The following PRRC1 variants were observed in gnomAD, a reference collection of about 807,000 sequenced individuals.
The protein encoded by PRRC1 is proline rich coiled-coil 1, also known as protein PRRC1.
A neutral mutation model predicts 40.7 loss-of-function variants in PRRC1; 39 were observed. The observed-to-expected ratio is 0.96, with a 90% CI of 0.74 to 1.25. The LOEUF is 1.25. Ranked by LOEUF, PRRC1 falls within the 50% of genes most tolerant of loss-of-function variation. The pLI, the probability that PRRC1 is intolerant of heterozygous loss-of-function variation, is 0.00. For missense variants in PRRC1, 573 were observed against 548.3 expected, an observed-to-expected ratio of 1.05 and a Z score of -0.45; for synonymous variants, 175 against 193.3, an observed-to-expected ratio of 0.91 and a Z score of 0.79.
intron 2 of PRRC1, 50 bp downstream of exon 2, chr5:127,523,632 C>T: frequency 9.0e-7 from 1 of 1,114,656 alleles, no homozygotes; most frequent in Non-Finnish European, 1.3e-6. Flanking sequence ...AGTGAAGATA[C>T]TATCATCTTT....
chr5:127,551,640 A>G (rs1768384987), intron 8 of PRRC1, 67 bp from the exon 9 acceptor site: 1 of 1,467,870 alleles, frequency 6.8e-7, no homozygotes, highest in African/African-American at 1.4e-5. Flanking sequence ...TTGAAATGTC[A>G]CTTATAGCTA....
chr5:127,522,405 T>C (rs1767482576), intron 1 of PRRC1, among the ~76,000 whole-genome samples: 1 of 152,192 alleles, frequency 6.6e-6, no homozygotes, highest in Admixed American at 6.5e-5. Flanking sequence ...TATTTTATTT[T>C]ATTGAGACAA....
At chr5:127,534,792 C>A (rs534649053) in intron 6 of PRRC1, among the ~76,000 whole-genome samples, 1 of 152,202 alleles carries the variant, frequency 6.6e-6, no homozygotes, top group South Asian at 2.1e-4. Flanking sequence ...TATAAGTTGC[C>A]TTTTTGACAA....
chr5:127,536,068 T>G (rs1330247974), intron 6 of PRRC1, among the ~76,000 whole-genome samples: 1 of 152,188 alleles, frequency 6.6e-6, no homozygotes, highest in Non-Finnish European at 1.5e-5. Context: ...TGAATTAAAT[T>G]ACATGTTTTC....
At chr5:127,525,017 A>G (rs1767581622) in intron 3 of PRRC1, 97 bp downstream of exon 3, 4 of 1,210,676 alleles carry the variant, frequency 3.3e-6, no homozygotes, top group Non-Finnish European at 4.5e-6. Flanking sequence ...TATGTACTCT[A>G]CAATTCACCC....
intron 1 of PRRC1, among the ~76,000 whole-genome samples, chr5:127,521,869 T>C (rs1349409074): frequency 6.6e-6 from 1 of 152,214 alleles, no homozygotes; most frequent in Non-Finnish European, 1.5e-5. Context: ...TTCTTATCCT[T>C]CAAATCTCGG....
rs766263227 is a variant in PRRC1 at position 127,524,738 on chromosome 5, ATCC to A, written c.316_318del (p.Pro106del). The stretch of plus-strand genomic sequence containing the variant: ...CCATCAACTGCTGCTGCCTTCGGTA[ATCC>A]TCCTGTATCTCACTTCCCACCTTCA... On this transcript the variant is annotated inframe_deletion, in exon 3 of 9. Coordinates refer to ENST00000296666, the MANE Select transcript of PRRC1 (RefSeq NM_130809.5). The A allele has an allele frequency of 6.2e-7, 1 of 1,614,034 alleles. No individual in the cohort carries two copies. The highest frequency in any genetic ancestry group is 1.1e-5 in the South Asian group (1 of 91,074).
intron 5 of PRRC1, among the ~76,000 whole-genome samples, chr5:127,530,609 C>A (rs1160745714): frequency 6.6e-6 from 1 of 152,100 alleles, no homozygotes. Flanking sequence ...GAAAATCCCA[C>A]AGAATGATCC....
intron 4 of PRRC1, 51 bp from the exon 5 acceptor site, chr5:127,530,243 T>C: frequency 6.7e-7 from 1 of 1,491,486 alleles, no homozygotes; most frequent in African/African-American, 1.4e-5. Flanking sequence ...ATGAAGATCA[T>C]GGTGTTCCTC....
intron 1 of PRRC1, among the ~76,000 whole-genome samples, chr5:127,520,631 G>A (rs78474213): frequency 8.3e-4 from 127 of 152,312 alleles, no homozygotes; most frequent in Middle Eastern, 3.4e-3. Flanking sequence ...AAACAGAGCA[G>A]TGTTTGCCAG....
At position 127,524,833 on chromosome 5, in the gene PRRC1, G is replaced by C. The variant is rs1767574240; in HGVS notation, c.406G>C (p.Gly136Arg). The change falls in exon 3 of 9, where the codon GGT (glycine) becomes CGT (arginine). Residue 136 changes from glycine to arginine, a missense_variant. Coordinates refer to ENST00000296666, the MANE Select transcript of PRRC1 (RefSeq NM_130809.5). ...SGPPISGFSV[G>R]STYDITRGHA... ...TCCTCCTATATCAGGATTTTCTGTTGGTTCAACTTATGACATTACAAGGGG... is the reference window on the plus strand; with the variant it reads ...TCCTCCTATATCAGGATTTTCTGTTCGTTCAACTTATGACATTACAAGGGG... 1 of 1,614,016 alleles carries C rather than the reference G, an allele frequency of 6.2e-7. No individual in the cohort carries two copies. Among genetic ancestry groups the C allele is most frequent in the Admixed American group, 1.7e-5 (1 of 59,998 alleles).
rs1767736830 is a variant in PRRC1, at chr5:127,530,396, A to G, written c.757A>G (p.Lys253Glu). 6.2e-6 allele frequency: 10 copies of G among 1,611,166 alleles called. No homozygotes were observed. Among genetic ancestry groups the G allele is most frequent in the Non-Finnish European group, 8.5e-6 (10 of 1,177,556 alleles). The change falls in exon 5 of 9, where the codon AAA becomes GAA. Residue 253 changes from lysine to glutamate, a missense_variant and splice_region_variant. Physicochemically the swap from Lys to Glu is moderately conservative, Grantham distance 56 (BLOSUM62 1). Transcript: ENST00000296666. The stretch of plus-strand genomic sequence containing the variant: ...GGACCCTGGCATGGCTCCCTATATC[A>G]GTATGTACATAAGTTAGACCGGTAT... ...TLDPGMAPYI[K>E]SGGELDIVVT... is the part of the protein sequence containing the mutation.
intron 7 of PRRC1, among the ~76,000 whole-genome samples, chr5:127,546,283 G>C (rs1429613179): frequency 1.3e-5 from 2 of 152,148 alleles, no homozygotes; most frequent in African/African-American, 2.4e-5. Flanking sequence ...TTGAATGCCT[G>C]TATCTTTAAA....
At chr5:127,542,260 C>G (rs1461115190) in intron 7 of PRRC1, among the ~76,000 whole-genome samples, 2 of 152,046 alleles carry the variant, frequency 1.3e-5, no homozygotes, top group African/African-American at 4.8e-5. Flanking sequence ...AATTTCTGTT[C>G]TTTTACATGT....
In PRRC1 at chr5:127,552,333, C is replaced by A; in HGVS notation, c.*417C>A. 1 of 1,023,886 alleles carries A rather than the reference C, an allele frequency of 9.8e-7. No individual in the cohort carries two copies. The highest frequency in any genetic ancestry group is 1.2e-6 in the Non-Finnish European group (1 of 852,234). The allele number at this position is 1,023,886 out of a possible 1,614,324, so 63.4% of individuals were successfully genotyped here. A position where few individuals can be genotyped will look rare whatever the true frequency, so the allele number is the denominator to read the frequency against. ...GATTTGCTTTGGCTTCATCTCTTTT[C>A]TGTCAGTCTTTGACTACTTTTGTAT... On this transcript the variant is annotated 3_prime_UTR_variant, in exon 9 of 9. Coordinates refer to ENST00000296666, the MANE Select transcript of PRRC1 (RefSeq NM_130809.5).
intron 8 of PRRC1, chr5:127,548,454 C>CTGT (rs1301701394): frequency 9.4e-6 from 1 of 106,526 alleles, no homozygotes; most frequent in Non-Finnish European, 1.8e-5. Flanking sequence ...ATCCTTATTC[C>CTGT]TCTTTTTTTT....
At chr5:127,525,286 A>G (rs141714933) in intron 3 of PRRC1, among the ~76,000 whole-genome samples, 168 of 152,198 alleles carry the variant, frequency 1.1e-3, no homozygotes, top group Non-Finnish European at 2.2e-3. Context: ...TCACTTAAAT[A>G]TTTTCACTTA....
chr5:127,532,398 C>T (rs768953381), intron 5 of PRRC1, among the ~76,000 whole-genome samples: 7 of 152,094 alleles, frequency 4.6e-5, no homozygotes, highest in East Asian at 1.9e-4. Context: ...TGAACCACCG[C>T]GCCCGGCCAT....
chr5:127,540,464 GAATTCTT>G (rs1198178145), intron 7 of PRRC1, among the ~76,000 whole-genome samples: 1 of 151,920 alleles, frequency 6.6e-6, no homozygotes, highest in Non-Finnish European at 1.5e-5. Context: ...TTTATTCTCT[GAATTCTT>G]TCTTGCATTT....
Sources: allele counts gnomAD v4.1 joint callset (sites outside exome capture counted in the v4.1 genomes callset), GRCh38; gene constraint gnomAD v4.1.1; transcripts MANE v1.5; gene names NCBI Gene and HGNC (gene_info 2026-07-23, HGNC 2026-07-21).